Variants in DTNBP1 observed in about 807,000 individuals in gnomAD.
DTNBP1 encodes dystrobrevin binding protein 1.
Under a neutral mutation model 42.8 loss-of-function variants are expected in DTNBP1, and 35 were observed. The observed-to-expected ratio is 0.82, with a 90% CI of 0.63 to 1.09. The LOEUF (loss-of-function observed/expected upper bound fraction) is 1.09. Ranked by LOEUF, DTNBP1 falls within the 50% of genes least tolerant of loss-of-function variation. The pLI is 0.00. For missense variants in DTNBP1, 457 were observed against 424.2 expected (o/e 1.08, Z -0.68); for synonymous variants, 171 against 162.2 (o/e 1.05, Z -0.41).
intron 7 of DTNBP1, among the ~76,000 whole-genome samples, chr6:15,558,381 C>T (rs991548553): frequency 1.3e-5 from 2 of 151,918 alleles, no homozygotes; most frequent in Non-Finnish European, 2.9e-5. Flanking sequence ...ATTCTCCTGC[C>T]TCAGCCTCCC....
At chr6:15,560,617 A>G (rs1166923198) in intron 7 of DTNBP1, among the ~76,000 whole-genome samples, 1 of 152,218 alleles carries the variant, frequency 6.6e-6, no homozygotes, top group Non-Finnish European at 1.5e-5. Flanking sequence ...TTCTTTAAGG[A>G]ATCAAAGTTG....
intron 6 of DTNBP1, among the ~76,000 whole-genome samples, chr6:15,600,594 T>G (rs987985442): frequency 7.2e-5 from 11 of 152,092 alleles, no homozygotes; most frequent in African/African-American, 2.7e-4. Context: ...CAAGACTAAT[T>G]AAGAGGCTAT....
intron 7 of DTNBP1, among the ~76,000 whole-genome samples, chr6:15,548,573 T>C (rs944020668): frequency 1.3e-5 from 2 of 151,958 alleles, no homozygotes. Context: ...ACCAAAAGCA[T>C]CCCCTTGTTT....
At chr6:15,553,771 G>C (rs1181731890) in intron 7 of DTNBP1, among the ~76,000 whole-genome samples, 6 of 151,528 alleles carry the variant, frequency 4.0e-5, no homozygotes, top group Non-Finnish European at 7.4e-5. Flanking sequence ...TTGGGTGATG[G>C]GGTTCAGGAC....
At chr6:15,655,413 C>G (rs1169486776) in intron 1 of DTNBP1, among the ~76,000 whole-genome samples, 2 of 152,176 alleles carry the variant, frequency 1.3e-5, no homozygotes, top group African/African-American at 4.8e-5. Context: ...GCATGAACCA[C>G]CATATCCAGC....
At position 15,627,333 on chromosome 6, in the gene DTNBP1, T is replaced by C. The variant is rs368923800; in HGVS notation, c.355+10A>G. ...CTAAAAGTAATGTACAATGAAAACA[T>C]TGGACTTACTCAGATTTGCTGTCAT... On this transcript the variant is annotated intron_variant, in intron 5 of 9. Transcript: ENST00000344537. 8.4e-5 allele frequency: 135 copies of C among 1,612,876 alleles called. No individual in the cohort carries two copies. Among genetic ancestry groups the C allele is most frequent in the East Asian group, 5.1e-4 (23 of 44,852 alleles).
chr6:15,613,766 C>T (rs1428625456), intron 6 of DTNBP1, among the ~76,000 whole-genome samples: 1 of 152,060 alleles, frequency 6.6e-6, no homozygotes, highest in Non-Finnish European at 1.5e-5. Flanking sequence ...CACATACAAC[C>T]TTTTGTGAAC....
intron 3 of DTNBP1, 123 bp from the exon 4 acceptor site, chr6:15,637,927 T>G: frequency 1.9e-6 from 2 of 1,058,076 alleles, no homozygotes; most frequent in Non-Finnish European, 2.8e-6. Context: ...AATGGGGACA[T>G]GTTGCAAGGA....
Position 15,526,545 on chromosome 6 carries a change from T to G in DTNBP1, c.668-1876A>C, listed in dbSNP as rs1013879838. Among the ~76,000 whole-genome samples, 18 of 152,262 alleles carry G rather than the reference T, an allele frequency of 1.2e-4. No individual in the cohort carries two copies. The East Asian group carries it at 1.4e-3, about 11-fold the overall frequency. On this transcript the variant is annotated intron_variant, in intron 8 of 9. Coordinates refer to ENST00000344537, the MANE Select transcript of DTNBP1 (RefSeq NM_032122.5). The stretch of plus-strand genomic sequence containing the variant: ...TTAGATGATCCCATGCTTGGCGGCA[T>G]CACCCTCGCCAACTGAGCCAGCCTG...
intron 5 of DTNBP1, among the ~76,000 whole-genome samples, chr6:15,615,736 A>G (rs957797641): frequency 1.3e-5 from 2 of 152,268 alleles, no homozygotes; most frequent in Non-Finnish European, 2.9e-5. Context: ...CAATTTTCAC[A>G]TAAGAATATG....
intron 4 of DTNBP1, among the ~76,000 whole-genome samples, chr6:15,631,171 T>C (rs1195927008): frequency 6.6e-6 from 1 of 152,248 alleles, no homozygotes; most frequent in Non-Finnish European, 1.5e-5. Context: ...AGTTTAATAC[T>C]ATGCATACTA....
chr6:15,533,437 C>T (rs1448638496), intron 7 of DTNBP1, 42 bp from the exon 8 acceptor site: 2 of 1,614,072 alleles, frequency 1.2e-6, no homozygotes, highest in Non-Finnish European at 1.7e-6. Context: ...TGAAAAGGGA[C>T]TGAGAGAGGA....
chr6:15,638,564 A>G (rs2619552), intron 3 of DTNBP1, among the ~76,000 whole-genome samples: 23,814 of 152,206 alleles, frequency 0.16, 2,815 homozygotes, highest in African/African-American at 0.32. Flanking sequence ...ACACAGCCTC[A>G]AAGTATCTGC....
At chr6:15,545,332 C>T (rs1160462809) in intron 7 of DTNBP1, among the ~76,000 whole-genome samples, 1 of 152,154 alleles carries the variant, frequency 6.6e-6, no homozygotes, top group Admixed American at 6.5e-5. Context: ...TTATTTTATA[C>T]CATACATTAT....
chr6:15,527,940 TA>T (rs1280548865), intron 8 of DTNBP1, among the ~76,000 whole-genome samples: 1 of 152,088 alleles, frequency 6.6e-6, no homozygotes, highest in East Asian at 1.9e-4. Flanking sequence ...AAAGAATAGG[TA>T]ACTCTTCAAA....
intron 3 of DTNBP1, among the ~76,000 whole-genome samples, chr6:15,638,488 T>C (rs563316122): frequency 3.3e-5 from 5 of 152,284 alleles, no homozygotes; most frequent in African/African-American, 1.2e-4. Context: ...GTAATAATTG[T>C]TTTAAAAAGA....
At chr6:15,603,327 A>G (rs972915905) in intron 6 of DTNBP1, among the ~76,000 whole-genome samples, 8 of 152,240 alleles carry the variant, frequency 5.3e-5, no homozygotes, top group African/African-American at 1.7e-4. Context: ...ACCACCTGGG[A>G]ACCATCTAAA....
chr6:15,610,249 G>C (rs1410206707), intron 6 of DTNBP1, among the ~76,000 whole-genome samples: 1 of 152,114 alleles, frequency 6.6e-6, no homozygotes, highest in Non-Finnish European at 1.5e-5. Flanking sequence ...TTCAATTCCT[G>C]AGCCCTTCTA....
chr6:15,603,770 G>A (rs912098035), intron 6 of DTNBP1, among the ~76,000 whole-genome samples: 3 of 152,140 alleles, frequency 2.0e-5, no homozygotes, highest in African/African-American at 4.8e-5. Context: ...AGAATTCACC[G>A]AGTCCACTTC....
Sources: gnomAD v4.1 joint callset for allele counts (sites outside exome capture counted in the v4.1 genomes callset) on GRCh38, gnomAD v4.1.1 for gene constraint, MANE v1.5 for transcripts, NCBI Gene and HGNC (gene_info 2026-07-23, HGNC 2026-07-21) for gene names.